Variants in RIPK1 observed in about 807,000 individuals in gnomAD.
The protein encoded by RIPK1 is receptor-interacting serine/threonine-protein kinase 1.
Under a neutral mutation model 62.4 loss-of-function variants are expected in RIPK1, and 27 were observed. That is an observed-to-expected ratio of 0.43 (90% CI 0.32 to 0.60). The LOEUF is 0.60. Among genes scored for constraint, RIPK1 ranks in the 20% least tolerant of loss-of-function variants. The probability of loss-of-function intolerance (pLI) is 0.07; values close to 1 mark genes in which losing one functional copy is unlikely to be tolerated. For missense variants in RIPK1, 735 were observed against 831.0 expected (o/e 0.88, Z 1.42); for synonymous variants, 287 against 303.2 (o/e 0.95, Z 0.55).
chr6:3,085,511 G>C, intron 6 of RIPK1, 103 bp downstream of exon 6: 1 of 1,210,350 alleles, frequency 8.3e-7, no homozygotes. Flanking sequence ...AACTGAGTTC[G>C]ACTTGACTTG....
At chr6:3,097,037 A>G (rs939473350) in intron 7 of RIPK1, among the ~76,000 whole-genome samples, 3 of 151,934 alleles carry the variant, frequency 2.0e-5, no homozygotes, top group African/African-American at 7.3e-5. Context: ...TGCCCGGCTA[A>G]TTTTTGTATT....
intron 8 of RIPK1, among the ~76,000 whole-genome samples, chr6:3,104,660 A>G (rs966904981): frequency 2.6e-5 from 4 of 152,136 alleles, no homozygotes; most frequent in African/African-American, 9.7e-5. Context: ...GGCTGGTCTC[A>G]GGTCAAGTAG....
intron 7 of RIPK1, among the ~76,000 whole-genome samples, chr6:3,098,938 T>G (rs1760459900): frequency 6.6e-6 from 1 of 152,204 alleles, no homozygotes; most frequent in African/African-American, 2.4e-5. Flanking sequence ...CTCGCCTTTC[T>G]CAGTCACTGG....
At chr6:3,068,336 C>G (rs1758478901), upstream of RIPK1, 2 of 985,312 alleles carry the variant, frequency 2.0e-6, no homozygotes, top group South Asian at 9.4e-5. Flanking sequence ...TTACGTAGGC[C>G]GCCCCACTCG....
intron 7 of RIPK1, among the ~76,000 whole-genome samples, chr6:3,094,093 CACCTAGTAACT>C (rs985127884): frequency 7.1e-6 from 1 of 141,100 alleles, no homozygotes; most frequent in African/African-American, 3.1e-5. Context: ...CTACCTCCTG[CACCTAGTAACT>C]GCAGAGTACC....
chr6:3,068,473 G>C (rs1758492911), upstream of RIPK1: 38 of 985,326 alleles, frequency 3.9e-5, no homozygotes, highest in Non-Finnish European at 4.5e-5. Flanking sequence ...GGCCGGGGCA[G>C]GGGGAGGAGG....
At chr6:3,077,982 G>C (rs768886522) in intron 3 of RIPK1, 47 bp downstream of exon 3, 8 of 1,598,462 alleles carry the variant, frequency 5.0e-6, no homozygotes, top group Non-Finnish European at 6.8e-6. Context: ...TTGGGCCCTG[G>C]CTGTCTGTTA....
chr6:3,098,963 A>G (rs1760461164), intron 7 of RIPK1, among the ~76,000 whole-genome samples: 1 of 152,144 alleles, frequency 6.6e-6, no homozygotes, highest in Non-Finnish European at 1.5e-5. Flanking sequence ...GAAGGGGAGT[A>G]CCTGGGGCAA....
At chr6:3,090,561 A>C (rs1581410384) in intron 7 of RIPK1, among the ~76,000 whole-genome samples, 2 of 149,074 alleles carry the variant, frequency 1.3e-5, no homozygotes, top group East Asian at 3.8e-4. Context: ...ACATGACCTC[A>C]AAATCAACCA....
intron 7 of RIPK1, among the ~76,000 whole-genome samples, chr6:3,100,846 G>A (rs1760557165): frequency 6.6e-6 from 1 of 152,078 alleles, no homozygotes; most frequent in South Asian, 2.1e-4. Flanking sequence ...GCTCGCCTCG[G>A]CCTCCTAGAG....
At chr6:3,073,665 A>G (rs1428567777) in intron 1 of RIPK1, among the ~76,000 whole-genome samples, 1 of 152,144 alleles carries the variant, frequency 6.6e-6, no homozygotes, top group Non-Finnish European at 1.5e-5. Flanking sequence ...GTGCTGCTGT[A>G]TGAGCTTCCT....
At chr6:3,112,636 T>G (rs1761221930) in intron 10 of RIPK1, among the ~76,000 whole-genome samples, 1 of 152,192 alleles carries the variant, frequency 6.6e-6, no homozygotes, top group African/African-American at 2.4e-5. Context: ...GTTCAAGTGA[T>G]CCTCCTGTCT....
intron 9 of RIPK1, among the ~76,000 whole-genome samples, chr6:3,108,435 A>ATC (rs1383450214): frequency 2.6e-5 from 4 of 152,178 alleles, no homozygotes; most frequent in Non-Finnish European, 5.9e-5. Context: ...TTTGGGCAGA[A>ATC]AGCACTGATT....
At chr6:3,090,574 CA>C (rs17548210) in intron 7 of RIPK1, among the ~76,000 whole-genome samples, 14,062 of 152,060 alleles carry the variant, frequency 0.092, 1,464 homozygotes, top group African/African-American at 0.26. Context: ...ATCAACCAGC[CA>C]AAAGTGACAG....
At chr6:3,068,724 C>A (rs935450718) in intron 1 of RIPK1, 63 bp downstream of exon 1, 61 of 960,496 alleles carry the variant, frequency 6.4e-5, no homozygotes, top group Admixed American at 3.1e-4. Flanking sequence ...CCCGGTGACC[C>A]CCCTGGTCGG....
At position 3,082,759 on chromosome 6, in the gene RIPK1, T is replaced by C. The variant is rs145787930; in HGVS notation, c.460-326T>C. On this transcript the variant is annotated intron_variant, in intron 4 of 10. Transcript: ENST00000259808. ...AAATAGTTGAAAAACATACGCAGAG[T>C]CAATGGGGAATGAGAATAAATATGT... 3.9e-4 allele frequency among the ~76,000 whole-genome samples: 60 copies of C among 152,182 alleles called. No homozygotes were observed. The East Asian group carries it at 9.4e-3, about 24-fold the overall frequency.
At chr6:3,111,933 A>G (rs1026045075) in intron 10 of RIPK1, among the ~76,000 whole-genome samples, 1 of 152,246 alleles carries the variant, frequency 6.6e-6, no homozygotes, top group African/African-American at 2.4e-5. Flanking sequence ...GGGCTGAGGA[A>G]AGAAGAGAGG....
At chr6:3,103,986 G>C (rs1561772123) in intron 7 of RIPK1, among the ~76,000 whole-genome samples, 1 of 152,192 alleles carries the variant, frequency 6.6e-6, no homozygotes, top group South Asian at 2.1e-4. Flanking sequence ...GTCCTACGCT[G>C]TTTTGAATAC....
rs114794680 is a variant in RIPK1 at position 3,083,285 on chromosome 6, G to A, written c.660G>A (p.Ala220=). 166 of 1,613,388 alleles carry A rather than the reference G, an allele frequency of 1.0e-4. 1 individual carries two copies. In the African/African-American group the frequency reaches 1.7e-3, roughly 16 times the overall value. ...ACAGCTTTGCTGTAGTACTCTGGGC[G>A]ATATTTGCAAATAAGGAGCCATATG... The part of the protein sequence containing the change: ...DVYSFAVVLW[A]IFANKEPYEN... Residue 220 remains alanine, a synonymous_variant, in exon 5 of 11, where the codon GCG becomes GCA. Coordinates refer to ENST00000259808, the MANE Select transcript of RIPK1 (RefSeq NM_001354930.2).
Sources: allele counts gnomAD v4.1 joint callset (sites outside exome capture counted in the v4.1 genomes callset), GRCh38; gene constraint gnomAD v4.1.1; transcripts MANE v1.5; gene names NCBI Gene and HGNC (gene_info 2026-07-23, HGNC 2026-07-21).